Variants in NTN1 observed in about 807,000 individuals in gnomAD.
NTN1 encodes the protein netrin-1.
Under a neutral mutation model 54.2 loss-of-function variants are expected in NTN1, and 11 were observed. That is an observed-to-expected ratio of 0.20 (90% confidence interval 0.13 to 0.34). The LOEUF (loss-of-function observed/expected upper bound fraction) is 0.34. NTN1 is among the 10% of genes least tolerant of loss of function. NTN1 has a pLI of 1.00. For synonymous variants in NTN1, 371 were observed against 382.0 expected (o/e 0.97, Z 0.33); for missense variants, 740 against 893.1 (o/e 0.83, Z 2.18).
chr17:9,076,627 C>T (rs777344201), intron 2 of NTN1, among the ~76,000 whole-genome samples: 21 of 152,204 alleles, frequency 1.4e-4, no homozygotes, highest in Non-Finnish European at 3.1e-4. Context: ...CTTCTCACCT[C>T]AGTCTCCCAA....
At chr17:9,120,095 A>G (rs563803413) in intron 2 of NTN1, among the ~76,000 whole-genome samples, 44 of 152,190 alleles carry the variant, frequency 2.9e-4, no homozygotes, top group Non-Finnish European at 5.1e-4. Flanking sequence ...CCTAGCTAAC[A>G]TGGTGAAACC....
chr17:9,014,491 C>T, the NTN1 span, among the ~76,000 whole-genome samples: 14 of 152,206 alleles, frequency 9.2e-5, no homozygotes, highest in Non-Finnish European at 4.4e-5. Flanking sequence ...TGCAGTGACC[C>T]CATTTCACCA....
chr17:9,046,530 C>T (rs556826319), intron 2 of NTN1, among the ~76,000 whole-genome samples: 40 of 152,258 alleles, frequency 2.6e-4, no homozygotes, highest in South Asian at 1.0e-3. Context: ...CTCATGCCTA[C>T]GATCCCGGTA....
In NTN1 at chr17:9,221,511, TCTGCCG is replaced by T. The variant is rs1216951899; in HGVS notation, c.1486+273_1486+278del. ...ACCCAGGCTGGCCTCTGGCTTTGAC[TCTGCCG>T]CTGATGGGCTGTGTGGCCACAGACC... On this transcript the variant is annotated intron_variant, in intron 6 of 6. Coordinates refer to ENST00000173229, the MANE Select transcript of NTN1 (RefSeq NM_004822.3). The surrounding 1 kb of genome is among the most constrained non-coding windows in gnomAD (Gnocchi z 4.5). Among the ~76,000 whole-genome samples, 1 of 152,204 alleles carries T rather than the reference TCTGCCG, an allele frequency of 6.6e-6. No homozygotes were observed. The highest frequency in any genetic ancestry group is 1.5e-5 in the Non-Finnish European group (1 of 68,026).
At position 9,239,803 on chromosome 17, in the gene NTN1, G is replaced by A. The variant is rs1269896992; in HGVS notation, c.1650G>A (p.Lys550=). 3.1e-6 allele frequency: 5 copies of A among 1,613,730 alleles called. No individual in the cohort carries two copies. The Admixed American group carries it at 5.0e-5, about 16-fold the overall frequency. Residue 550 remains lysine, a synonymous_variant, in exon 7 of 7, where the codon AAG becomes AAA. Coordinates refer to ENST00000173229, the MANE Select transcript of NTN1 (RefSeq NM_004822.3). The surrounding 1 kb of genome is among the most constrained non-coding windows in gnomAD (Gnocchi z 5.2). ...TCGCCTGCAAGTGTCCCAAAATCAA[G>A]CCCCTCAAGAAGTACCTGCTGCTGG... is the stretch of plus-strand genomic sequence containing the variant. ...RDIACKCPKI[K]PLKKYLLLGN...
rs2092413555 is a variant in NTN1, at chr17:9,179,933, G to A, written c.1334G>A (p.Arg445His). ...NRCAKGYQQS[R>H]SPIAPCIKIP... is the part of the protein sequence containing the mutation. ...TGCGCCAAAGGCTACCAGCAGAGCCGCTCTCCCATCGCCCCCTGCATAAGT... is the reference window on the plus strand; with the variant it reads ...TGCGCCAAAGGCTACCAGCAGAGCCACTCTCCCATCGCCCCCTGCATAAGT... The change falls in exon 4 of 7, where the codon CGC (arginine) becomes CAC (histidine). Residue 445 changes from arginine (R) to histidine (H), a missense_variant. Physicochemically the swap from Arg to His is conservative, Grantham distance 29. Transcript: ENST00000173229. 3.7e-6 allele frequency: 6 copies of A among 1,613,630 alleles called. No homozygotes were observed. The highest frequency in any genetic ancestry group is 5.1e-6 in the Non-Finnish European group (6 of 1,179,920).
chr17:9,010,347 C>T, the NTN1 span, among the ~76,000 whole-genome samples: 11 of 152,162 alleles, frequency 7.2e-5, no homozygotes, highest in African/African-American at 1.9e-4. Flanking sequence ...GTGCTGCAAC[C>T]GTGGCCTCTA....
chr17:9,228,871 T>A (rs1388148452), intron 6 of NTN1, among the ~76,000 whole-genome samples: 3 of 7,224 alleles, frequency 4.2e-4, no homozygotes, highest in Non-Finnish European at 7.3e-4. Flanking sequence ...TGAGAGTGTG[T>A]CTGTGTGTGA....
chr17:9,051,942 T>C (rs1370187177), intron 2 of NTN1, among the ~76,000 whole-genome samples: 3 of 152,022 alleles, frequency 2.0e-5, no homozygotes, highest in African/African-American at 2.4e-5. Context: ...GAGTCTCCCA[T>C]GTGACCAAAG....
At chr17:9,096,175 T>A (rs77514941) in intron 2 of NTN1, among the ~76,000 whole-genome samples, 224 of 152,266 alleles carry the variant, frequency 1.5e-3, no homozygotes, top group African/African-American at 5.2e-3. Flanking sequence ...CTCATCTATG[T>A]CCCTGAATGT....
intron 3 of NTN1, among the ~76,000 whole-genome samples, chr17:9,178,571 G>C (rs941790088): frequency 6.6e-6 from 1 of 152,246 alleles, no homozygotes; most frequent in African/African-American, 2.4e-5. Flanking sequence ...AGTGCTTGCT[G>C]GGAAGTTCTA....
At chr17:9,233,429 C>T (rs553210532) in intron 6 of NTN1, among the ~76,000 whole-genome samples, 5 of 152,136 alleles carry the variant, frequency 3.3e-5, no homozygotes, top group African/African-American at 9.7e-5. Context: ...GCTTTGATCC[C>T]AGCAGGAGGT....
chr17:9,205,959 C>T (rs925065230), intron 5 of NTN1, among the ~76,000 whole-genome samples: 1 of 152,214 alleles, frequency 6.6e-6, no homozygotes, highest in Non-Finnish European at 1.5e-5. Flanking sequence ...ATCACCATTC[C>T]GGTTGCTCCT....
intron 2 of NTN1, among the ~76,000 whole-genome samples, chr17:9,110,198 A>T (rs953489122): frequency 1.3e-5 from 2 of 152,138 alleles, no homozygotes; most frequent in African/African-American, 4.8e-5. Flanking sequence ...AGAAAACTTG[A>T]CGACATCCCT....
chr17:9,209,264 C>T (rs976918511), intron 5 of NTN1, among the ~76,000 whole-genome samples: 2 of 152,244 alleles, frequency 1.3e-5, no homozygotes, highest in African/African-American at 4.8e-5. Flanking sequence ...CCCTGCAGCC[C>T]TGCTCAGTAG....
chr17:9,160,305 A>G (rs1008332463), intron 2 of NTN1, among the ~76,000 whole-genome samples: 2 of 152,070 alleles, frequency 1.3e-5, no homozygotes, highest in Non-Finnish European at 2.9e-5. Context: ...GGGTTTCACC[A>G]TATTGGCCAG....
chr17:9,019,854 G>A (rs2091840046), upstream of NTN1, among the ~76,000 whole-genome samples: 1 of 152,178 alleles, frequency 6.6e-6, no homozygotes, highest in Non-Finnish European at 1.5e-5. Context: ...CATATTTTAT[G>A]TACCCTTGTA....
intron 6 of NTN1, among the ~76,000 whole-genome samples, chr17:9,222,912 ATACGCACACTCCC>A (rs761043978): frequency 1.3e-5 from 2 of 152,186 alleles, no homozygotes; most frequent in South Asian, 2.1e-4. Flanking sequence ...GAGAGAGTTC[ATACGCACACTCCC>A]TACGCACACA....
At chr17:9,184,324 G>A (rs868596050) in intron 5 of NTN1, among the ~76,000 whole-genome samples, 3 of 152,210 alleles carry the variant, frequency 2.0e-5, no homozygotes, top group Non-Finnish European at 2.9e-5. Flanking sequence ...GGGAAATGGC[G>A]AAGAGAAGGG....
Sources: gnomAD v4.1 joint callset for allele counts (sites outside exome capture counted in the v4.1 genomes callset) on GRCh38, gnomAD v4.1.1 for gene constraint, Gnocchi (gnomAD v3.1) non-coding constraint, MANE v1.5 for transcripts, NCBI Gene and HGNC (gene_info 2026-07-23, HGNC 2026-07-21) for gene names.